The following NF1 variants were observed in gnomAD, a reference collection of about 807,000 sequenced individuals.
NF1 encodes neurofibromin 1.
A neutral mutation model predicts 325.7 loss-of-function variants in NF1; 122 were observed. The observed-to-expected ratio is 0.37, with a 90% confidence interval of 0.32 to 0.44. The LOEUF (loss-of-function observed/expected upper bound fraction) is 0.44. Ranked by LOEUF, NF1 falls within the 20% of genes least tolerant of loss-of-function variation. The pLI, the probability that NF1 is intolerant of heterozygous loss-of-function variation, is 1.00. For missense variants in NF1, 2,140 were observed against 3,415.4 expected, an observed-to-expected ratio of 0.63 and a Z score of 9.31; for synonymous variants, 1,091 against 1,186.0, an observed-to-expected ratio of 0.92 and a Z score of 1.65.
chr17:31,361,700 A>G (rs1227684175), intron 57 of NF1: 2 of 152,220 alleles, frequency 1.3e-5, no homozygotes, highest in African/African-American at 4.8e-5. Context: ...TGACATAACT[A>G]TTCTGTGATA....
At position 31,343,126 on chromosome 17, in the gene NF1, CT is replaced by C. The variant is rs2069870374; in HGVS notation, c.7184del (p.Leu2395Ter). On this transcript the variant is annotated frameshift_variant, in exon 48 of 58. Transcript: ENST00000358273. LOFTEE classifies it high-confidence loss of function. ...CTTTAACTTTGCATTGGTTGGACAC[CT>C]TTTAAAAGGTAAAAAAGCCTTATTT... ...SNFNFALVGH[L>X]LKGYRHPSPA... 2 of 1,613,102 alleles carry C rather than the reference CT, an allele frequency of 1.2e-6. No homozygotes were observed. Among genetic ancestry groups the C allele is most frequent in the Non-Finnish European group, 8.5e-7 (1 of 1,179,294 alleles).
At chr17:31,249,177 T>C (rs1472632652) in intron 30 of NF1, 58 bp downstream of exon 30, 5 of 1,578,426 alleles carry the variant, frequency 3.2e-6, no homozygotes, top group Non-Finnish European at 4.4e-6. Flanking sequence ...TGAAGAATGC[T>C]TTATCAAAGA....
chr17:31,248,184 G>A (rs1002719715), intron 29 of NF1, among the ~76,000 whole-genome samples: 3 of 150,428 alleles, frequency 2.0e-5, no homozygotes, highest in Non-Finnish European at 4.4e-5. Context: ...CCTGGGCAAC[G>A]AGAGTGAAAC....
At chr17:31,103,547 A>G (rs1364781642) in intron 1 of NF1, among the ~76,000 whole-genome samples, 2 of 152,034 alleles carry the variant, frequency 1.3e-5, no homozygotes, top group Admixed American at 6.6e-5. Context: ...GCCTGGCCCT[A>G]TTTTTGTATT....
rs549601083 is a variant in NF1, at chr17:31,258,549, A to G, written c.4332+47A>G. ...GCTATCTTAAATTCCCCTTCCAACTAAATTTTCAGCTTTTCTTACAGTACT... is the reference window on the plus strand; with the variant it reads ...GCTATCTTAAATTCCCCTTCCAACTGAATTTTCAGCTTTTCTTACAGTACT... On this transcript the variant is annotated intron_variant, in intron 32 of 57. Transcript: ENST00000358273. The G allele has an allele frequency of 3.0e-5, 48 of 1,595,428 alleles. No individual in the cohort carries two copies. In the African/African-American group the frequency reaches 6.0e-4, roughly 20 times the overall value.
chr17:31,248,973 T>A lies in NF1; in HGVS notation c.3975-11T>A, dbSNP rs1597734976. The A allele has an allele frequency of 6.2e-7, 1 of 1,613,218 alleles. No individual in the cohort carries two copies. Among genetic ancestry groups the A allele is most frequent in the Non-Finnish European group, 8.5e-7 (1 of 1,179,388 alleles). Reference sequence around the variant, plus strand: ...CAAAAGTGTTAGGATTTTATTTTTATTTTTTTGTAGGTTAGAACCATCAGA... The same window carrying A: ...CAAAAGTGTTAGGATTTTATTTTTAATTTTTTGTAGGTTAGAACCATCAGA... On this transcript the variant is annotated splice_polypyrimidine_tract_variant and intron_variant, in intron 29 of 57. Transcript: ENST00000358273.
chr17:31,231,113 T>C (rs1459864535), intron 24 of NF1, among the ~76,000 whole-genome samples, 188 bp downstream of exon 24: 1 of 152,162 alleles, frequency 6.6e-6, no homozygotes, highest in African/African-American at 2.4e-5. Flanking sequence ...TTCAGTAAAA[T>C]TAAATGTGAA....
intron 1 of NF1, among the ~76,000 whole-genome samples, chr17:31,102,921 C>A (rs1157240968): frequency 6.6e-6 from 1 of 151,846 alleles, no homozygotes; most frequent in Non-Finnish European, 1.5e-5. Context: ...TCTCAGCTCA[C>A]TGCAAGCTCC....
chr17:31,138,971 T>C (rs1916004376), intron 1 of NF1, among the ~76,000 whole-genome samples: 1 of 152,182 alleles, frequency 6.6e-6, no homozygotes, highest in South Asian at 2.1e-4. Context: ...TTGTGTGTAC[T>C]TGGTTCTTTT....
intron 5 of NF1, among the ~76,000 whole-genome samples, chr17:31,172,578 C>G (rs542742634): frequency 6.6e-6 from 1 of 151,982 alleles, no homozygotes; most frequent in African/African-American, 2.4e-5. Flanking sequence ...AACCCTGTGA[C>G]GCAATACTAG....
intron 36 of NF1, among the ~76,000 whole-genome samples, chr17:31,277,593 A>C (rs2068032910): frequency 6.6e-6 from 1 of 152,088 alleles, no homozygotes; most frequent in African/African-American, 2.4e-5. Flanking sequence ...AGAGGGTATC[A>C]TTGGGCTCCC....
intron 36 of NF1, among the ~76,000 whole-genome samples, chr17:31,280,019 C>A (rs1304309110): frequency 6.6e-6 from 1 of 152,092 alleles, no homozygotes; most frequent in Non-Finnish European, 1.5e-5. Context: ...CCTGCTCTTA[C>A]CACATACATC....
chr17:31,211,276 A>G (rs920116228), intron 12 of NF1, among the ~76,000 whole-genome samples: 1 of 152,246 alleles, frequency 6.6e-6, no homozygotes, highest in Non-Finnish European at 1.5e-5. Context: ...TTACATTTCT[A>G]ATTAAGAAAC....
At chr17:31,172,367 CTCTCTT>C (rs373041045) in intron 5 of NF1, among the ~76,000 whole-genome samples, 73,162 of 143,616 alleles carry the variant, frequency 0.51, 20,915 homozygotes, top group Middle Eastern at 0.7. Flanking sequence ...CTCTCTCTCT[CTCTCTT>C]TCTCTCTTTC....
Position 31,265,460 on chromosome 17 carries a change from G to C in NF1, c.4835+121G>C, listed in dbSNP as rs2067770225. On this transcript the variant is annotated intron_variant, in intron 36 of 57. Coordinates refer to ENST00000358273, the MANE Select transcript of NF1 (RefSeq NM_001042492.3). ...CAGGAATTGAAGACAAGTTTACTTGGGAGCATATAGCAGGGTAAATAGCCT... is the reference window on the plus strand; with the variant it reads ...CAGGAATTGAAGACAAGTTTACTTGCGAGCATATAGCAGGGTAAATAGCCT... 5.5e-6 allele frequency: 4 copies of C among 724,450 alleles called. No individual in the cohort carries two copies. The South Asian group carries it at 6.0e-5, about 11-fold the overall frequency. The allele number at this position is 724,450 out of a possible 1,614,324, so 44.9% of individuals were successfully genotyped here. A position where few individuals can be genotyped will look rare whatever the true frequency, so the allele number is the denominator to read the frequency against.
At chr17:31,097,210 C>T (rs1233833453) in intron 1 of NF1, among the ~76,000 whole-genome samples, 1 of 152,126 alleles carries the variant, frequency 6.6e-6, no homozygotes, top group Non-Finnish European at 1.5e-5. Flanking sequence ...GTAATCCCAG[C>T]ACTTTGGGAT....
At chr17:31,337,706 G>T in intron 43 of NF1, 113 bp from the exon 44 acceptor site, 1 of 1,386,770 alleles carries the variant, frequency 7.2e-7, no homozygotes, top group Non-Finnish European at 1.0e-6. Context: ...AAAAACACTT[G>T]CATGGACTGT....
At chr17:31,287,542 CTGTGTGTGTGTG>C (rs59906241) in intron 36 of NF1, among the ~76,000 whole-genome samples, 28 of 145,586 alleles carry the variant, frequency 1.9e-4, no homozygotes, top group Non-Finnish European at 2.6e-4. Flanking sequence ...TCATTCATAA[CTGTGTGTGTGTG>C]TGTGTGTGTG....
At chr17:31,148,160 G>A (rs1916703490) in intron 1 of NF1, among the ~76,000 whole-genome samples, 1 of 152,122 alleles carries the variant, frequency 6.6e-6, no homozygotes, top group Non-Finnish European at 1.5e-5. Context: ...TAGAAATTAA[G>A]TTTGTGGTGG....
Sources: gnomAD v4.1 joint callset for allele counts (sites outside exome capture counted in the v4.1 genomes callset) on GRCh38, gnomAD v4.1.1 for gene constraint, MANE v1.5 for transcripts, NCBI Gene and HGNC (gene_info 2026-07-23, HGNC 2026-07-21) for gene names.